Variants in PLXNA1 observed in about 807,000 individuals in gnomAD.
PLXNA1 encodes plexin-A1.
PLXNA1 carries 77 observed loss-of-function variants against 191.7 expected under a neutral mutation model. The observed-to-expected ratio is 0.40, with a 90% CI of 0.33 to 0.49. PLXNA1 has a LOEUF of 0.49. Among genes scored for constraint, PLXNA1 ranks in the 20% least tolerant of loss-of-function variants. The pLI is 0.63. For synonymous variants in PLXNA1, 1,137 were observed against 1,156.4 expected (o/e 0.98, Z 0.34); for missense variants, 2,110 against 2,660.2 (o/e 0.79, Z 4.55).
intron 29 of PLXNA1, chr3:127,032,047 A>G (rs1037722254): frequency 6.5e-6 from 2 of 307,448 alleles, no homozygotes; most frequent in Non-Finnish European, 1.2e-5. Context: ...TGCAGGAGCC[A>G]TGAGTGCAAG....
chr3:126,991,578 G>C lies in PLXNA1; in HGVS notation c.1377+12G>C, dbSNP rs1474821616. 1.3e-6 allele frequency: 2 copies of C among 1,548,722 alleles called. No individual in the cohort carries two copies. Among genetic ancestry groups the C allele is most frequent in the Non-Finnish European group, 1.7e-6 (2 of 1,143,196 alleles). ...GCCGCATCCGCAAGGTCAGGCCTGGGTGGGGTGGGGTGAGGAGGGGGCTTG... is the reference window on the plus strand; with the variant it reads ...GCCGCATCCGCAAGGTCAGGCCTGGCTGGGGTGGGGTGAGGAGGGGGCTTG... On this transcript the variant is annotated intron_variant, in intron 3 of 31. Coordinates refer to ENST00000393409, the MANE Select transcript of PLXNA1 (RefSeq NM_032242.4).
chr3:126,988,444 G>T (rs1576666974), intron 1 of PLXNA1, 77 bp from the exon 2 acceptor site: 5 of 763,706 alleles, frequency 6.5e-6, no homozygotes, highest in South Asian at 2.1e-5. Context: ...GCACTGGAAG[G>T]GCTCACACTG....
chr3:127,014,207 G>A lies in PLXNA1; in HGVS notation c.2436G>A (p.Leu812=), dbSNP rs2079109682. 6.2e-7 allele frequency: 1 copy of A among 1,608,708 alleles called. No homozygotes were observed. The highest frequency in any genetic ancestry group is 1.7e-5 in the Admixed American group (1 of 59,762). The change falls in exon 12 of 32, where the codon CTG becomes CTA. Residue 812 remains leucine (L), a synonymous_variant. Coordinates refer to ENST00000393409, the MANE Select transcript of PLXNA1 (RefSeq NM_032242.4). The part of the protein sequence containing the change: ...IQAHLYKCPA[L]RESCGLCLKA... Reference sequence around the variant, plus strand: ...CGCACCTCTACAAGTGCCCGGCCCTGCGCGAGAGCTGCGGCCTCTGCCTCA... The same window carrying A: ...CGCACCTCTACAAGTGCCCGGCCCTACGCGAGAGCTGCGGCCTCTGCCTCA...
In PLXNA1 at chr3:127,018,372, G is replaced by A; in HGVS notation, c.3739G>A (p.Val1247Met). The A allele has an allele frequency of 3.1e-6, 5 of 1,613,110 alleles. No individual in the cohort carries two copies. The highest frequency in any genetic ancestry group is 4.2e-6 in the Non-Finnish European group (5 of 1,180,006). The change falls in exon 20 of 32, where the codon GTG becomes ATG. Residue 1247 changes from valine (V) to methionine (M), a missense_variant. Physicochemically the swap from Val to Met is conservative, Grantham distance 21. Transcript: ENST00000393409. ...SDSLLTLPAIVGIGGGGGLLL... is the reference protein window; with the variant it reads ...SDSLLTLPAIMGIGGGGGLLL... Reference sequence around the variant, plus strand: ...CAGCCTGCTGACGCTGCCTGCCATTGTGGGCATTGGCGGAGGCGGGGGTCT... The same window carrying A: ...CAGCCTGCTGACGCTGCCTGCCATTATGGGCATTGGCGGAGGCGGGGGTCT...
chr3:127,017,723 C>T, intron 18 of PLXNA1, 26 bp from the exon 19 acceptor site: 1 of 1,613,226 alleles, frequency 6.2e-7, no homozygotes, highest in Non-Finnish European at 8.5e-7. Context: ...TCGTCCTGGG[C>T]TCTGGCTCAC....
At chr3:127,005,587 T>G (rs984978631) in intron 7 of PLXNA1, among the ~76,000 whole-genome samples, 9 of 152,184 alleles carry the variant, frequency 5.9e-5, no homozygotes, top group Non-Finnish European at 1.3e-4. Flanking sequence ...CTACTGGCAT[T>G]AAGGTCTTTA....
At chr3:127,003,264 G>A in intron 3 of PLXNA1, 66 bp from the exon 4 acceptor site, 3 of 1,493,496 alleles carry the variant, frequency 2.0e-6, no homozygotes, top group Non-Finnish European at 2.7e-6. Flanking sequence ...CTGACCTTCT[G>A]TGGGGGGTGG....
At chr3:127,011,182 G>A (rs916511467) in intron 9 of PLXNA1, among the ~76,000 whole-genome samples, 2 of 152,226 alleles carry the variant, frequency 1.3e-5, no homozygotes, top group African/African-American at 4.8e-5. Context: ...CAGCCCCTAA[G>A]TTGGGGCCAG....
chr3:126,983,774 T>G (rs2107618309), intron 1 of PLXNA1, among the ~76,000 whole-genome samples: 1 of 151,802 alleles, frequency 6.6e-6, no homozygotes, highest in South Asian at 2.1e-4. Context: ...GGCTCAGACC[T>G]CTGGCCGCGG....
At position 127,028,198 on chromosome 3, in the gene PLXNA1, C is replaced by A. The variant is rs770387484; in HGVS notation, c.4527C>A (p.Asn1509Lys). 2.5e-6 allele frequency: 4 copies of A among 1,613,240 alleles called. No homozygotes were observed. Among genetic ancestry groups the A allele is most frequent in the Non-Finnish European group, 3.4e-6 (4 of 1,179,982 alleles). The change falls in exon 25 of 32, where the codon AAC becomes AAA. Residue 1509 changes from asparagine (N) to lysine (K), a missense_variant. Asn to Lys is a moderately conservative substitution (Grantham distance 94). Around this residue, in one of 4 missense-constraint regions of PLXNA1, gnomAD observed 559 missense variants for 911.5 expected, o/e 0.61. Coordinates refer to ENST00000393409, the MANE Select transcript of PLXNA1 (RefSeq NM_032242.4). ...DYKTLTLNCV[N>K]PENENAPEVP... ...GCCCGCAGACCCTGAACTGTGTGAACCCTGAGAATGAGAATGCACCTGAGG... is the reference window on the plus strand; with the variant it reads ...GCCCGCAGACCCTGAACTGTGTGAAACCTGAGAATGAGAATGCACCTGAGG...
intron 3 of PLXNA1, among the ~76,000 whole-genome samples, chr3:127,001,548 G>A (rs964477703): frequency 6.6e-6 from 1 of 152,120 alleles, no homozygotes; most frequent in African/African-American, 2.4e-5. Context: ...GGATGGAGGA[G>A]ATGAGAGGAA....
rs974371572 is a variant in PLXNA1 at position 127,035,962 on chromosome 3, GCCAGCCCCTGCCC to G, written c.*1953_*1965del. 2.0e-5 allele frequency: 3 copies of G among 152,684 alleles called. No individual in the cohort carries two copies. The highest frequency in any genetic ancestry group is 7.2e-5 in the African/African-American group (3 of 41,470). 9.5% of individuals were successfully genotyped at this position (152,684 alleles called of 1,614,324 possible). ...GCTGCCACACCCAGCTCAGGCCTGGGCCAGCCCCTGCCCCCAGCCCACTGAGGGGGTGGGCTTA... is the reference window on the plus strand; with the variant it reads ...GCTGCCACACCCAGCTCAGGCCTGGGCCAGCCCACTGAGGGGGTGGGCTTA... On this transcript the variant is annotated 3_prime_UTR_variant, in exon 32 of 32. Coordinates refer to ENST00000393409, the MANE Select transcript of PLXNA1 (RefSeq NM_032242.4).
chr3:126,998,094 G>T (rs1576672701), intron 3 of PLXNA1, among the ~76,000 whole-genome samples: 1 of 152,224 alleles, frequency 6.6e-6, no homozygotes, highest in East Asian at 1.9e-4. Context: ...TGGTCTGCTG[G>T]AAGGGTGTTC....
chr3:127,017,754 G>A lies in PLXNA1; in HGVS notation c.3522G>A (p.Arg1174=), dbSNP rs1376647902. 6.2e-7 allele frequency: 1 copy of A among 1,613,196 alleles called. No individual in the cohort carries two copies. The highest frequency in any genetic ancestry group is 8.5e-7 in the Non-Finnish European group (1 of 1,180,004). The part of the protein sequence containing the change: ...KPSSPLILKG[R]NLLPPAPGNS... ...CTCACCCCCATCTCCTACAGGGCCG[G>A]AACCTCTTGCCACCTGCACCCGGCA... Residue 1174 remains arginine, a synonymous_variant, in exon 19 of 32, where the codon CGG becomes CGA. Coordinates refer to ENST00000393409, the MANE Select transcript of PLXNA1 (RefSeq NM_032242.4).
In PLXNA1 at chr3:126,989,669, T is replaced by G; in HGVS notation, c.1076T>G (p.Leu359Arg). Reference protein sequence around the residue: ...VKPPKESALCLFTLRAIKEKI... With the variant: ...VKPPKESALCRFTLRAIKEKI... ...CCACCAAAGGAGTCAGCACTGTGCCTGTTCACGCTCAGGGCCATCAAGGAG... is the reference window on the plus strand; with the variant it reads ...CCACCAAAGGAGTCAGCACTGTGCCGGTTCACGCTCAGGGCCATCAAGGAG... The change falls in exon 2 of 32, where the codon CTG becomes CGG. Residue 359 changes from leucine (L) to arginine (R), a missense_variant. Leu to Arg is a moderately radical substitution (Grantham distance 102). This residue lies in a region of PLXNA1 where 903 missense variants were observed against 1,015.7 expected (regional missense o/e 0.89). Coordinates refer to ENST00000393409, the MANE Select transcript of PLXNA1 (RefSeq NM_032242.4). 1.2e-6 allele frequency: 2 copies of G among 1,613,144 alleles called. No individual in the cohort carries two copies. The highest frequency in any genetic ancestry group is 1.7e-6 in the Non-Finnish European group (2 of 1,180,024).
In PLXNA1 at chr3:127,007,916, A is replaced by G. The variant is rs2079076705; in HGVS notation, c.2112+3A>G. 2 of 1,597,130 alleles carry G rather than the reference A, an allele frequency of 1.3e-6. No individual in the cohort carries two copies. The highest frequency in any genetic ancestry group is 1.7e-6 in the Non-Finnish European group (2 of 1,166,740). On this transcript the variant is annotated splice_donor_region_variant and intron_variant, in intron 9 of 31. Coordinates refer to ENST00000393409, the MANE Select transcript of PLXNA1 (RefSeq NM_032242.4). ...AGGGCCGTGTCAACGTGTCTGAGGT[A>G]AGGCCGGGCAAGGGTGAGGGTCAGG...
At chr3:126,992,730 A>G (rs973317488) in intron 3 of PLXNA1, among the ~76,000 whole-genome samples, 5 of 152,008 alleles carry the variant, frequency 3.3e-5, no homozygotes, top group African/African-American at 9.7e-5. Context: ...GGTTCTGCTC[A>G]TAGTGGCTAT....
At position 126,988,965 on chromosome 3, in the gene PLXNA1, T is replaced by C. The variant is rs2078975439; in HGVS notation, c.372T>C (p.Ala124=). The part of the protein sequence containing the change: ...VNKLLLLDYA[A]NRLLACGSAS... ...AGCTGCTGCTGCTGGACTATGCCGCTAACCGCCTGCTGGCCTGTGGCAGCG... is the reference window on the plus strand; with the variant it reads ...AGCTGCTGCTGCTGGACTATGCCGCCAACCGCCTGCTGGCCTGTGGCAGCG... The change falls in exon 2 of 32, where the codon GCT becomes GCC. Residue 124 remains alanine, a synonymous_variant. Coordinates refer to ENST00000393409, the MANE Select transcript of PLXNA1 (RefSeq NM_032242.4). 6.2e-7 allele frequency: 1 copy of C among 1,613,226 alleles called. No individual in the cohort carries two copies. Among genetic ancestry groups the C allele is most frequent in the East Asian group, 2.2e-5 (1 of 44,886 alleles).
chr3:127,003,503 A>C (rs1290935858), intron 4 of PLXNA1, 33 bp downstream of exon 4: 1 of 1,561,034 alleles, frequency 6.4e-7, no homozygotes, highest in South Asian at 1.2e-5. Flanking sequence ...GGTGTGGCTG[A>C]AGGTGGGGGC....
Sources: allele counts gnomAD v4.1 joint callset (sites outside exome capture counted in the v4.1 genomes callset), GRCh38; gene constraint gnomAD v4.1.1; regional missense constraint gnomAD v4.1.1; transcripts MANE v1.5; gene names NCBI Gene and HGNC (gene_info 2026-07-23, HGNC 2026-07-21).